Variants in SGCD observed in about 807,000 individuals in gnomAD.
The protein encoded by SGCD is sarcoglycan delta.
In SGCD, 18 loss-of-function variants were observed where a neutral mutation model predicts 36.6. That is an observed-to-expected ratio of 0.49 (90% CI 0.34 to 0.73). The LOEUF (loss-of-function observed/expected upper bound fraction) is 0.73, where lower values mean the gene tolerates loss of function less well. SGCD is among the 30% of genes least tolerant of loss of function. The pLI, the probability that SGCD is intolerant of heterozygous loss-of-function variation, is 0.01. For missense variants in SGCD, 387 were observed against 346.7 expected (o/e 1.12, Z -0.92); for synonymous variants, 133 against 130.6 (o/e 1.02, Z -0.12).
intron 3 of SGCD, among the ~76,000 whole-genome samples, chr5:156,420,556 A>G (rs1052744415): frequency 1.3e-5 from 2 of 152,144 alleles, no homozygotes; most frequent in Admixed American, 6.6e-5. Flanking sequence ...TTGCATAAAA[A>G]TCCATCTGAA....
intron 7 of SGCD, among the ~76,000 whole-genome samples, chr5:156,736,987 G>A (rs1228126096): frequency 6.6e-6 from 1 of 151,988 alleles, no homozygotes; most frequent in Non-Finnish European, 1.5e-5. Context: ...CCTGAAATGG[G>A]TAATATAAAA....
chr5:155,924,050 G>A (rs944795871), intron 1 of SGCD, among the ~76,000 whole-genome samples: 1 of 152,106 alleles, frequency 6.6e-6, no homozygotes, highest in African/African-American at 2.4e-5. Context: ...GATGAATACA[G>A]TGCTCTCTGG....
At chr5:155,973,144 A>T (rs1758040660) in intron 1 of SGCD, among the ~76,000 whole-genome samples, 1 of 152,166 alleles carries the variant, frequency 6.6e-6, no homozygotes, top group Admixed American at 6.6e-5. Context: ...TCAGGATGGA[A>T]ATCCACTCTG....
the SGCD span, among the ~76,000 whole-genome samples, chr5:155,736,037 T>C: frequency 2.0e-5 from 3 of 152,304 alleles, no homozygotes; most frequent in Middle Eastern, 0.01. Flanking sequence ...GGGATCCTTC[T>C]TTCTACCCCT....
the SGCD span, among the ~76,000 whole-genome samples, chr5:155,762,221 C>T: frequency 3.3e-5 from 5 of 152,092 alleles, no homozygotes; most frequent in African/African-American, 1.2e-4. Flanking sequence ...AATACAAGGC[C>T]TGACAGATGT....
chr5:155,981,420 G>A (rs1581025474), intron 1 of SGCD, among the ~76,000 whole-genome samples: 2 of 152,252 alleles, frequency 1.3e-5, no homozygotes, highest in East Asian at 3.9e-4. Context: ...AGGAAGGGCA[G>A]GGCTCTAGAG....
At chr5:156,574,836 A>C (rs1011477639) in intron 4 of SGCD, among the ~76,000 whole-genome samples, 3 of 152,166 alleles carry the variant, frequency 2.0e-5, no homozygotes, top group Admixed American at 6.5e-5. Context: ...ACTTTATCCA[A>C]ACTTTTCCTG....
At chr5:156,104,922 C>T (rs1761607910) in intron 1 of SGCD, among the ~76,000 whole-genome samples, 1 of 151,716 alleles carries the variant, frequency 6.6e-6, no homozygotes, top group Non-Finnish European at 1.5e-5. Flanking sequence ...ACAGAGAAAG[C>T]ATTGAATAAA....
At chr5:156,723,314 G>A (rs908477520) in intron 7 of SGCD, among the ~76,000 whole-genome samples, 1 of 152,186 alleles carries the variant, frequency 6.6e-6, no homozygotes, top group Admixed American at 6.5e-5. Context: ...TTCAGTGGCT[G>A]CAGGCTCCAA....
At chr5:155,880,061 G>A (rs78982502) in intron 1 of SGCD, among the ~76,000 whole-genome samples, 2,619 of 152,240 alleles carry the variant, frequency 0.017, 36 homozygotes, top group Middle Eastern at 0.048. Context: ...CTTCAAGAGC[G>A]CAGCCACTAT....
chr5:156,156,280 G>A (rs982048816), intron 3 of SGCD, among the ~76,000 whole-genome samples: 4 of 151,416 alleles, frequency 2.6e-5, no homozygotes, highest in Non-Finnish European at 4.4e-5. Flanking sequence ...TTCCTTAGTC[G>A]TTGTTCATTT....
At chr5:155,902,093 A>C (rs914986552) in intron 1 of SGCD, among the ~76,000 whole-genome samples, 3 of 152,336 alleles carry the variant, frequency 2.0e-5, no homozygotes, top group East Asian at 1.9e-4. Context: ...TCAAGGCCTA[A>C]CATTCTAATT....
At chr5:156,562,249 C>T (rs1759292856) in intron 4 of SGCD, among the ~76,000 whole-genome samples, 1 of 152,026 alleles carries the variant, frequency 6.6e-6, no homozygotes, top group South Asian at 2.1e-4. Context: ...AAAAGTGTAG[C>T]ATATTATACA....
intron 3 of SGCD, among the ~76,000 whole-genome samples, chr5:156,415,628 C>T (rs1772991038): frequency 6.6e-6 from 1 of 152,052 alleles, no homozygotes; most frequent in South Asian, 2.1e-4. Context: ...GTGTAATTGA[C>T]CAAACAAGAA....
At chr5:156,511,034 T>A (rs1358446342) in intron 4 of SGCD, among the ~76,000 whole-genome samples, 1 of 152,186 alleles carries the variant, frequency 6.6e-6, no homozygotes, top group Non-Finnish European at 1.5e-5. Flanking sequence ...AAAGTAACAA[T>A]ACTTACGTTT....
intron 3 of SGCD, among the ~76,000 whole-genome samples, chr5:156,481,847 C>T (rs1305651740): frequency 6.6e-6 from 1 of 152,192 alleles, no homozygotes; most frequent in Non-Finnish European, 1.5e-5. Context: ...TCTCTACTCC[C>T]TGTGGCCTCT....
chr5:155,832,573 AG>A, the SGCD span, among the ~76,000 whole-genome samples: 7 of 152,102 alleles, frequency 4.6e-5, no homozygotes, highest in Non-Finnish European at 1.0e-4. Flanking sequence ...TAGGGATTCT[AG>A]TCTGCTCCTT....
intron 1 of SGCD, among the ~76,000 whole-genome samples, chr5:156,047,619 A>G (rs148404874): frequency 6.6e-6 from 1 of 152,292 alleles, no homozygotes; most frequent in African/African-American, 2.4e-5. Flanking sequence ...TGAATATTTT[A>G]AGCCTGCTGC....
At chr5:156,372,645 G>T (rs2127740992) in intron 3 of SGCD, among the ~76,000 whole-genome samples, 1 of 152,230 alleles carries the variant, frequency 6.6e-6, no homozygotes, top group East Asian at 1.9e-4. Flanking sequence ...GGCAGGGCTA[G>T]CAATTTATTC....
Sources: allele counts gnomAD v4.1 joint callset (sites outside exome capture counted in the v4.1 genomes callset), GRCh38; gene constraint gnomAD v4.1.1; transcripts MANE v1.5; gene names NCBI Gene and HGNC (gene_info 2026-07-23, HGNC 2026-07-21).